The following VDR variants were observed in gnomAD, a reference collection of about 807,000 sequenced individuals.
The protein encoded by VDR is vitamin D receptor.
A neutral mutation model predicts 39.7 loss-of-function variants in VDR; 19 were observed. The ratio of observed to expected loss-of-function variants is 0.48; its 90% confidence interval spans 0.33 to 0.70. The LOEUF (loss-of-function observed/expected upper bound fraction) is 0.70. Ranked by LOEUF, VDR falls within the 30% of genes least tolerant of loss-of-function variation. The pLI, the probability that VDR is intolerant of heterozygous loss-of-function variation, is 0.02. For missense variants in VDR, 442 were observed against 570.5 expected (o/e 0.77, Z 2.29); for synonymous variants, 242 against 215.8 (o/e 1.12, Z -1.07).
At chr12:47,904,462 T>TAAAAAAAAAAAA (rs17886628) in intron 1 of VDR, 32 of 360,238 alleles carry the variant, frequency 8.9e-5, no homozygotes, top group South Asian at 4.1e-4. Flanking sequence ...CAAAGAAAAG[T>TAAAAAAAAAAAA]AAAAAAAAAA....
chr12:47,879,971 T>C (rs917342321), intron 2 of VDR, among the ~76,000 whole-genome samples: 6 of 152,158 alleles, frequency 3.9e-5, no homozygotes, highest in African/African-American at 1.4e-4. Flanking sequence ...AGGAAGCAGC[T>C]GGCTTGACTC....
chr12:47,852,827 A>G (rs1031091204), intron 7 of VDR, among the ~76,000 whole-genome samples: 3 of 152,206 alleles, frequency 2.0e-5, no homozygotes, highest in Admixed American at 6.5e-5. Flanking sequence ...TAAGAGGGCC[A>G]TACACCAATA....
At chr12:47,892,213 C>G (rs1290937472) in intron 1 of VDR, among the ~76,000 whole-genome samples, 2 of 152,242 alleles carry the variant, frequency 1.3e-5, no homozygotes, top group African/African-American at 4.8e-5. Context: ...AACTCTCCAC[C>G]AGGCAGCTCC....
intron 6 of VDR, 145 bp from the exon 7 acceptor site, chr12:47,855,946 C>G (rs1592105749): frequency 2.2e-6 from 2 of 915,006 alleles, no homozygotes; most frequent in East Asian, 5.2e-5. Context: ...CCCTTCAGCC[C>G]CAGGCTTCCC....
rs183140550 is a variant in VDR at position 47,842,869 on chromosome 12, T to C, written c.*1877A>G. The C allele has an allele frequency of 6.6e-6, 1 of 152,274 alleles. No individual in the cohort carries two copies. Among genetic ancestry groups the C allele is most frequent in the East Asian group, 1.9e-4 (1 of 5,176 alleles). The allele number at this position is 152,274 out of a possible 1,614,324, so 9.4% of individuals were successfully genotyped here. On this transcript the variant is annotated 3_prime_UTR_variant, in exon 10 of 10. Transcript: ENST00000549336. ...GAGGGGATTGACTCGTTTAGCAACT[T>C]ACAAGTGTTTTCTCCCACTGAAGAG...
At chr12:47,847,485 C>G (rs896604020) in intron 7 of VDR, among the ~76,000 whole-genome samples, 1 of 152,134 alleles carries the variant, frequency 6.6e-6, no homozygotes, top group Non-Finnish European at 1.5e-5. Flanking sequence ...ACCTCTCATT[C>G]CAACTCCCTT....
chr12:47,871,272 TTTTC>T (rs1945850857), intron 3 of VDR, among the ~76,000 whole-genome samples: 1 of 134,448 alleles, frequency 7.4e-6, no homozygotes, highest in Non-Finnish European at 1.7e-5. Context: ...GGTTTCTTTC[TTTTC>T]TCTTTCTTTC....
chr12:47,874,663 T>C lies in VDR; in HGVS notation c.146+4305A>G, dbSNP rs138356402. On this transcript the variant is annotated intron_variant, in intron 3 of 9. Coordinates refer to ENST00000549336, the MANE Select transcript of VDR (RefSeq NM_000376.3). ...CCCAACAGGGAGGAAGAAGACAAGA[T>C]AAGCAGGCAAACGATGACCTGTTTC... Among the ~76,000 whole-genome samples the C allele has an allele frequency of 2.6e-3, 402 of 152,330 alleles. 1 individual carries two copies. The highest frequency in any genetic ancestry group is 9.3e-3 in the African/African-American group (387 of 41,574).
Position 47,879,069 on chromosome 12 carries a change from G to C in VDR, c.45C>G (p.Asp15Glu). The part of the protein sequence containing the change: ...AASTSLPDPG[D>E]FDRNVPRICG... ...AGATCCGGGGCACGTTCCGGTCAAA[G>C]TCTCCAGGGTCAGGCAGGGAAGTGC... Residue 15 changes from aspartate to glutamate, a missense_variant, in exon 3 of 10, where the codon GAC becomes GAG. Around this residue, in one of 5 missense-constraint regions of VDR, gnomAD observed 141 missense variants for 141.3 expected, o/e 1.00. Coordinates refer to ENST00000549336, the MANE Select transcript of VDR (RefSeq NM_000376.3). The C allele has an allele frequency of 6.2e-7, 1 of 1,614,170 alleles. No homozygotes were observed. Among genetic ancestry groups the C allele is most frequent in the South Asian group, 1.1e-5 (1 of 91,080 alleles).
chr12:47,842,525 G>A lies in VDR; in HGVS notation c.*2221C>T, dbSNP rs769978531. The A allele has an allele frequency of 2.6e-5, 4 of 152,008 alleles. No individual in the cohort carries two copies. Among genetic ancestry groups the A allele is most frequent in the African/African-American group, 9.7e-5 (4 of 41,314 alleles). The allele number at this position is 152,008 out of a possible 1,614,324, so 9.4% of individuals were successfully genotyped here. A position where few individuals can be genotyped will look rare whatever the true frequency, so the allele number is the denominator to read the frequency against. On this transcript the variant is annotated 3_prime_UTR_variant, in exon 10 of 10. Coordinates refer to ENST00000549336, the MANE Select transcript of VDR (RefSeq NM_000376.3). ...TGTCCAGGTTGGAGAGTAACGGCAC[G>A]ATCTCAGCTCACTGCAACCTCCACC...
chr12:47,904,850 A>G, intron 1 of VDR, 105 bp downstream of exon 1: 1 of 433,246 alleles, frequency 2.3e-6, no homozygotes, highest in Non-Finnish European at 4.2e-6. Context: ...GCTGAGACTT[A>G]GACTCTAATG....
chr12:47,860,154 TG>T (rs1442607706), intron 4 of VDR, among the ~76,000 whole-genome samples: 6 of 151,830 alleles, frequency 4.0e-5, no homozygotes, highest in Non-Finnish European at 7.4e-5. Context: ...TTAGTAGAGA[TG>T]GGGTTTCACC....
intron 2 of VDR, among the ~76,000 whole-genome samples, chr12:47,879,365 G>T (rs1210195028): frequency 1.3e-5 from 2 of 152,244 alleles, no homozygotes; most frequent in Non-Finnish European, 2.9e-5. Context: ...TTCAGATGTT[G>T]CATCTGTCAG....
chr12:47,904,884 C>G (rs1201069290), intron 1 of VDR, 71 bp downstream of exon 1: 4 of 315,438 alleles, frequency 1.3e-5, no homozygotes, highest in Non-Finnish European at 2.4e-5. Context: ...GCTCAGGCCC[C>G]GGTATCCCAG....
intron 1 of VDR, among the ~76,000 whole-genome samples, chr12:47,900,772 C>T (rs1946543635): frequency 6.6e-6 from 1 of 152,166 alleles, no homozygotes; most frequent in African/African-American, 2.4e-5. Context: ...AGGTTGTCAT[C>T]AGAAGGCCAG....
At chr12:47,857,811 G>T in intron 4 of VDR, 123 bp from the exon 5 acceptor site, 3 of 1,085,166 alleles carry the variant, frequency 2.8e-6, no homozygotes, top group South Asian at 1.6e-5. Flanking sequence ...TCCCTCGGGG[G>T]TCCTCCTGCC....
chr12:47,872,316 C>A (rs1945900196), intron 3 of VDR, among the ~76,000 whole-genome samples: 2 of 151,998 alleles, frequency 1.3e-5, no homozygotes, highest in Admixed American at 1.3e-4. Flanking sequence ...AGGACCTGGA[C>A]AAAGGAAACC....
intron 4 of VDR, among the ~76,000 whole-genome samples, chr12:47,861,654 G>T (rs1407824400): frequency 6.6e-6 from 1 of 152,190 alleles, no homozygotes; most frequent in Non-Finnish European, 1.5e-5. Context: ...CTGAAAGAGT[G>T]TTGGGCTGTC....
chr12:47,871,754 C>T (rs117593271), intron 3 of VDR, among the ~76,000 whole-genome samples: 7,253 of 152,288 alleles, frequency 0.048, 219 homozygotes, highest in Middle Eastern at 0.078. Flanking sequence ...CATGAGCCAC[C>T]GTGCCCAGCC....
Sources: allele counts gnomAD v4.1 joint callset (sites outside exome capture counted in the v4.1 genomes callset), GRCh38; gene constraint gnomAD v4.1.1; regional missense constraint gnomAD v4.1.1; transcripts MANE v1.5; gene names NCBI Gene and HGNC (gene_info 2026-07-23, HGNC 2026-07-21).